The following UNC5D variants were observed in gnomAD, a reference collection of about 807,000 sequenced individuals.
UNC5D encodes the protein netrin receptor UNC5D.
In UNC5D, 39 loss-of-function variants were observed where a neutral mutation model predicts 105.4. The observed-to-expected ratio is 0.37, with a 90% CI of 0.29 to 0.48. UNC5D has a LOEUF of 0.48. UNC5D is among the 20% of genes least tolerant of loss of function. The pLI is 0.98. For missense variants in UNC5D, 991 were observed against 1,202.4 expected (o/e 0.82, Z 2.60); for synonymous variants, 452 against 450.4 (o/e 1.00, Z -0.04).
intron 4 of UNC5D, among the ~76,000 whole-genome samples, chr8:35,672,220 G>C (rs1021077123): frequency 6.6e-6 from 1 of 152,160 alleles, no homozygotes; most frequent in Non-Finnish European, 1.5e-5. Context: ...CTCAGCACTT[G>C]AAGATATATT....
At chr8:35,335,921 G>A (rs1310992132) in intron 1 of UNC5D, among the ~76,000 whole-genome samples, 3 of 151,746 alleles carry the variant, frequency 2.0e-5, no homozygotes, top group South Asian at 2.1e-4. Flanking sequence ...CCACCACCAC[G>A]CCCGGATAAT....
At chr8:35,444,275 G>A (rs571553816) in intron 1 of UNC5D, among the ~76,000 whole-genome samples, 3 of 152,102 alleles carry the variant, frequency 2.0e-5, no homozygotes, top group South Asian at 2.1e-4. Context: ...TTACTGAACC[G>A]AGTGATAAGC....
At chr8:35,351,169 T>C (rs1812209942) in intron 1 of UNC5D, among the ~76,000 whole-genome samples, 1 of 152,040 alleles carries the variant, frequency 6.6e-6, no homozygotes, top group Admixed American at 6.6e-5. Flanking sequence ...GGAATCCACG[T>C]GTGCAAATAC....
intron 3 of UNC5D, among the ~76,000 whole-genome samples, chr8:35,574,843 C>G (rs1191442682): frequency 6.6e-6 from 1 of 152,068 alleles, no homozygotes; most frequent in Non-Finnish European, 1.5e-5. Context: ...GGATGTGGGA[C>G]TCATTTTCCC....
intron 15 of UNC5D, among the ~76,000 whole-genome samples, chr8:35,770,710 A>G (rs1453658370): frequency 6.6e-6 from 1 of 152,214 alleles, no homozygotes; most frequent in East Asian, 1.9e-4. Context: ...TTATTAATGT[A>G]ACATTATTAA....
chr8:35,361,872 C>T (rs1292395168), intron 1 of UNC5D, among the ~76,000 whole-genome samples: 2 of 151,998 alleles, frequency 1.3e-5, no homozygotes, highest in Non-Finnish European at 2.9e-5. Flanking sequence ...GCATATTGAC[C>T]ATATATCAAT....
chr8:35,633,808 G>C lies in UNC5D; in HGVS notation c.570+38151G>C, dbSNP rs536616051. Among the ~76,000 whole-genome samples the C allele has an allele frequency of 4.0e-4, 61 of 152,254 alleles. 1 individual carries two copies. Among genetic ancestry groups the C allele is most frequent in the Admixed American group, 2.2e-3 (34 of 15,288 alleles). ...TTCCAGGACCTAATACAAACTTCTA[G>C]GATCGTGGAGGCTGAAGGAGTGGGC... is the stretch of plus-strand genomic sequence containing the variant. On this transcript the variant is annotated intron_variant, in intron 4 of 16. Coordinates refer to ENST00000404895, the MANE Select transcript of UNC5D (RefSeq NM_080872.4).
rs551705194 is a variant in UNC5D, at chr8:35,314,905, C to A, written c.103+79018C>A. ...GAGAATTCACAGAAGGGATATTAAA[C>A]ACCACGTAATGCTGTAAGGAAATGA... On this transcript the variant is annotated intron_variant, in intron 1 of 16. Coordinates refer to ENST00000404895, the MANE Select transcript of UNC5D (RefSeq NM_080872.4). 9.9e-5 allele frequency among the ~76,000 whole-genome samples: 15 copies of A among 152,228 alleles called. No individual in the cohort carries two copies. In the East Asian group the frequency reaches 2.9e-3, roughly 30 times the overall value.
In UNC5D at chr8:35,601,639, G is replaced by A. The variant is rs539162632; in HGVS notation, c.570+5982G>A. Reference sequence around the variant, plus strand: ...GTATAAGAATGCTTGTGATTTTTGCGCATTGATTTTGTATCCTGAGACTTT... The same window carrying A: ...GTATAAGAATGCTTGTGATTTTTGCACATTGATTTTGTATCCTGAGACTTT... On this transcript the variant is annotated intron_variant, in intron 4 of 16. Coordinates refer to ENST00000404895, the MANE Select transcript of UNC5D (RefSeq NM_080872.4). Among the ~76,000 whole-genome samples the A allele has an allele frequency of 8.0e-3, 1,214 of 152,024 alleles. 4 individuals are homozygous for A. The highest frequency in any genetic ancestry group is 0.021 in the African/African-American group (883 of 41,486).
intron 1 of UNC5D, among the ~76,000 whole-genome samples, chr8:35,421,218 A>G (rs1344169615): frequency 6.6e-6 from 1 of 152,132 alleles, no homozygotes; most frequent in Non-Finnish European, 1.5e-5. Flanking sequence ...GATCTGTGCA[A>G]TTTGGAAGCC....
intron 1 of UNC5D, among the ~76,000 whole-genome samples, chr8:35,361,954 G>A (rs561432839): frequency 4.9e-4 from 75 of 151,994 alleles, no homozygotes; most frequent in East Asian, 9.7e-4. Flanking sequence ...GTTATTTGTC[G>A]GTGGCATCTT....
chr8:35,528,452 G>A (rs1384327688), intron 1 of UNC5D, among the ~76,000 whole-genome samples: 1 of 148,338 alleles, frequency 6.7e-6, no homozygotes, highest in Non-Finnish European at 1.5e-5. Context: ...ATCATTGTTG[G>A]ACATTTGGGT....
intron 3 of UNC5D, among the ~76,000 whole-genome samples, chr8:35,578,446 A>G (rs906215759): frequency 1.3e-5 from 2 of 152,166 alleles, no homozygotes; most frequent in African/African-American, 4.8e-5. Context: ...CTCCAGGAAT[A>G]TAGGAAGCCA....
At chr8:35,625,483 G>A (rs1288947783) in intron 4 of UNC5D, among the ~76,000 whole-genome samples, 5 of 152,216 alleles carry the variant, frequency 3.3e-5, no homozygotes, top group Non-Finnish European at 2.9e-5. Context: ...TATCACTAAA[G>A]CTGGGAGAGC....
rs143624452 is a variant in UNC5D at position 35,665,580 on chromosome 8, A to T, written c.571-17967A>T. Among the ~76,000 whole-genome samples the T allele has an allele frequency of 1.3e-3, 193 of 150,594 alleles. 1 individual carries two copies. Among genetic ancestry groups the T allele is most frequent in the African/African-American group, 4.5e-3 (186 of 40,952 alleles). On this transcript the variant is annotated intron_variant, in intron 4 of 16. Coordinates refer to ENST00000404895, the MANE Select transcript of UNC5D (RefSeq NM_080872.4). ...CCATTTCATTCTCCAGTTTCATTTCATCTTCCAGTTTTATTTTCAACCTCC... is the reference window on the plus strand; with the variant it reads ...CCATTTCATTCTCCAGTTTCATTTCTTCTTCCAGTTTTATTTTCAACCTCC...
intron 1 of UNC5D, among the ~76,000 whole-genome samples, chr8:35,252,724 C>A (rs370484784): frequency 6.6e-6 from 1 of 152,002 alleles, no homozygotes; most frequent in Non-Finnish European, 1.5e-5. Context: ...TAGGAACATT[C>A]GTGTATGTGT....
chr8:35,759,564 C>CTT, intron 14 of UNC5D, 95 bp downstream of exon 14: 1 of 1,414,096 alleles, frequency 7.1e-7, no homozygotes, highest in Non-Finnish European at 9.6e-7. Flanking sequence ...TTTCCTCCTC[C>CTT]TTTAAAGGAT....
At chr8:35,699,189 A>ATGAT (rs1382031071) in intron 7 of UNC5D, among the ~76,000 whole-genome samples, 4 of 152,206 alleles carry the variant, frequency 2.6e-5, no homozygotes, top group East Asian at 3.9e-4. Flanking sequence ...AGATGTTTCA[A>ATGAT]TGATTGAGCT....
chr8:35,784,989 T>A (rs114301913), intron 16 of UNC5D, among the ~76,000 whole-genome samples: 1,650 of 152,042 alleles, frequency 0.011, 21 homozygotes, highest in African/African-American at 0.037. Flanking sequence ...AAGAAAAAAA[T>A]AGTTTCATTT....
Sources: gnomAD v4.1 joint callset for allele counts (sites outside exome capture counted in the v4.1 genomes callset) on GRCh38, gnomAD v4.1.1 for gene constraint, MANE v1.5 for transcripts, NCBI Gene and HGNC (gene_info 2026-07-23, HGNC 2026-07-21) for gene names.